The following ZSWIM5 variants were observed in gnomAD, a reference collection of about 807,000 sequenced individuals.
The protein encoded by ZSWIM5 is zinc finger SWIM-type containing 5.
A neutral mutation model predicts 119.6 loss-of-function variants in ZSWIM5; 55 were observed. The observed-to-expected ratio is 0.46, with a 90% CI of 0.37 to 0.58. ZSWIM5 has a LOEUF of 0.58. ZSWIM5 is among the 20% of genes least tolerant of loss of function. ZSWIM5 has a pLI of 0.00. For synonymous variants in ZSWIM5, 537 were observed against 606.9 expected (o/e 0.88, Z 1.69); for missense variants, 1,193 against 1,512.8 (o/e 0.79, Z 3.51).
chr1:45,019,999 G>T lies in ZSWIM5; in HGVS notation c.2695+67C>A. 1 of 1,347,972 alleles carries T rather than the reference G, an allele frequency of 7.4e-7. No homozygotes were observed. Among genetic ancestry groups the T allele is most frequent in the Non-Finnish European group, 1.1e-6 (1 of 942,350 alleles). The allele number at this position is 1,347,972 out of a possible 1,614,324, so 83.5% of individuals were successfully genotyped here. On this transcript the variant is annotated intron_variant, in intron 13 of 13. Coordinates refer to ENST00000359600, the MANE Select transcript of ZSWIM5 (RefSeq NM_020883.2). The surrounding 1 kb of genome is among the most constrained non-coding windows in gnomAD (Gnocchi z 5.0). ...AATATGAGAGCTCTAAGGATTGATT[G>T]TCCTGTCCCAAGAGTAGGGCCTAGA...
intron 9 of ZSWIM5, 77 bp downstream of exon 9, chr1:45,035,962 T>A (rs1004861714): frequency 1.3e-6 from 2 of 1,573,060 alleles, no homozygotes; most frequent in Non-Finnish European, 1.7e-6. Flanking sequence ...AATGTTCCTG[T>A]ACTTGTACTC....
At chr1:45,143,869 C>T (rs1193095814) in intron 1 of ZSWIM5, among the ~76,000 whole-genome samples, 1 of 145,766 alleles carries the variant, frequency 6.9e-6, no homozygotes, top group Non-Finnish European at 1.5e-5. Context: ...CAAATACAAA[C>T]ATAAATTAAA....
intron 4 of ZSWIM5, 130 bp from the exon 5 acceptor site, chr1:45,051,383 T>G: frequency 1.0e-6 from 1 of 974,272 alleles, no homozygotes; most frequent in Non-Finnish European, 1.5e-6. Flanking sequence ...TATAAAAAAC[T>G]TGCTAAGATT....
intron 1 of ZSWIM5, among the ~76,000 whole-genome samples, chr1:45,166,166 T>C (rs980811619): frequency 1.3e-5 from 2 of 152,024 alleles, no homozygotes; most frequent in African/African-American, 2.4e-5. Context: ...GTTCAACATA[T>C]GCAAATCAAT....
At chr1:45,094,510 A>G (rs935146824) in intron 1 of ZSWIM5, among the ~76,000 whole-genome samples, 1 of 152,074 alleles carries the variant, frequency 6.6e-6, no homozygotes, top group Non-Finnish European at 1.5e-5. Context: ...TGGGAGCCCA[A>G]GGTGGGAGGA....
chr1:45,052,407 T>A (rs747637090), intron 4 of ZSWIM5, among the ~76,000 whole-genome samples: 6 of 152,200 alleles, frequency 3.9e-5, no homozygotes, highest in Non-Finnish European at 7.3e-5. Flanking sequence ...TTTCAAAGCC[T>A]CTCAAAGCCA....
intron 7 of ZSWIM5, 142 bp downstream of exon 7, chr1:45,040,250 G>T: frequency 1.1e-6 from 1 of 899,366 alleles, no homozygotes; most frequent in Non-Finnish European, 1.6e-6. Flanking sequence ...TGAGAAAACT[G>T]ACATTCATAA....
At chr1:45,141,790 C>T (rs1645728998) in intron 1 of ZSWIM5, among the ~76,000 whole-genome samples, 1 of 150,872 alleles carries the variant, frequency 6.6e-6, no homozygotes, top group Non-Finnish European at 1.5e-5. Flanking sequence ...CAAAAAACAA[C>T]ACAGATAAAA....
At chr1:45,192,017 C>T (rs1038731884) in intron 1 of ZSWIM5, among the ~76,000 whole-genome samples, 1 of 152,166 alleles carries the variant, frequency 6.6e-6, no homozygotes, top group African/African-American at 2.4e-5. Context: ...AGTAATCACT[C>T]CCCTTACTCA....
intron 1 of ZSWIM5, among the ~76,000 whole-genome samples, chr1:45,130,337 CTATT>C (rs1203917384): frequency 2.0e-5 from 3 of 151,230 alleles, no homozygotes; most frequent in South Asian, 2.1e-4. Context: ...CAAAGGAACA[CTATT>C]TATAATATAC....
intron 1 of ZSWIM5, among the ~76,000 whole-genome samples, chr1:45,138,894 C>CTTT (rs34851118): frequency 5.0e-5 from 7 of 140,612 alleles, no homozygotes; most frequent in African/African-American, 1.8e-4. Flanking sequence ...TTTTCTTTTT[C>CTTT]TTTTTTTTTT....
At chr1:45,191,813 G>A (rs573193527) in intron 1 of ZSWIM5, among the ~76,000 whole-genome samples, 1 of 152,106 alleles carries the variant, frequency 6.6e-6, no homozygotes, top group South Asian at 2.1e-4. Flanking sequence ...TTTCCTTTTT[G>A]TTTTATTGGA....
At chr1:45,041,784 C>T (rs1016972823) in intron 6 of ZSWIM5, among the ~76,000 whole-genome samples, 3 of 152,190 alleles carry the variant, frequency 2.0e-5, no homozygotes, top group African/African-American at 7.2e-5. Flanking sequence ...GTGATCCACC[C>T]ACCTCAGCCT....
At chr1:45,086,621 C>T (rs113557817) in intron 2 of ZSWIM5, among the ~76,000 whole-genome samples, 6,412 of 151,792 alleles carry the variant, frequency 0.042, 331 homozygotes, top group East Asian at 0.23. Flanking sequence ...CATCACACCC[C>T]GGGGGCTGTC....
chr1:45,084,909 G>T (rs1322363388), intron 2 of ZSWIM5, among the ~76,000 whole-genome samples: 1 of 152,200 alleles, frequency 6.6e-6, no homozygotes, highest in African/African-American at 2.4e-5. Flanking sequence ...GAGGACAGTA[G>T]CCCCCTTCTC....
At chr1:45,066,219 TC>T (rs532604303) in intron 2 of ZSWIM5, among the ~76,000 whole-genome samples, 14 of 151,436 alleles carry the variant, frequency 9.2e-5, no homozygotes, top group African/African-American at 1.7e-4. Flanking sequence ...TGTATAGTAT[TC>T]CCCCCCATGG....
At chr1:45,191,339 G>A (rs936549240) in intron 1 of ZSWIM5, among the ~76,000 whole-genome samples, 1 of 152,186 alleles carries the variant, frequency 6.6e-6, no homozygotes, top group Non-Finnish European at 1.5e-5. Context: ...GACAGCCCGT[G>A]AATCAGCTGA....
Position 45,206,078 on chromosome 1 carries a change from C to A in ZSWIM5, c.273G>T (p.Glu91Asp), listed in dbSNP as rs745875023. Reference sequence around the variant, plus strand: ...AGTAGACGATGCGGCGCTGCACGGGCTCCGGGATCCGCTCGAAGCGCTCCT... The same window carrying A: ...AGTAGACGATGCGGCGCTGCACGGGATCCGGGATCCGCTCGAAGCGCTCCT... ...RVEERFERIP[E>D]PVQRRIVYWS... The change falls in exon 1 of 14, where the codon GAG becomes GAT. Residue 91 changes from glutamate to aspartate, a missense_variant. Coordinates refer to ENST00000359600, the MANE Select transcript of ZSWIM5 (RefSeq NM_020883.2). The A allele has an allele frequency of 1.2e-5, 20 of 1,611,854 alleles. No homozygotes were observed. Among genetic ancestry groups the A allele is most frequent in the Middle Eastern group, 1.7e-4 (1 of 6,060 alleles).
intron 1 of ZSWIM5, among the ~76,000 whole-genome samples, chr1:45,180,748 C>G (rs1021517258): frequency 2.4e-4 from 37 of 152,182 alleles, no homozygotes; most frequent in Non-Finnish European, 5.9e-5. Flanking sequence ...TCCAGAGGAA[C>G]GATCAGACAG....
Sources: allele counts gnomAD v4.1 joint callset (sites outside exome capture counted in the v4.1 genomes callset), GRCh38; gene constraint gnomAD v4.1.1; non-coding constraint Gnocchi (gnomAD v3.1); transcripts MANE v1.5; gene names NCBI Gene and HGNC (gene_info 2026-07-23, HGNC 2026-07-21).